LGR5: variants seen among roughly 807,000 people sequenced by gnomAD.
LGR5 encodes leucine rich repeat containing G protein-coupled receptor 5.
Under a neutral mutation model 76.7 loss-of-function variants are expected in LGR5, and 54 were observed. The observed-to-expected ratio is 0.70, with a 90% CI of 0.57 to 0.88. The LOEUF (loss-of-function observed/expected upper bound fraction) is 0.88. Ranked by LOEUF, LGR5 falls within the 40% of genes least tolerant of loss-of-function variation. The probability of loss-of-function intolerance (pLI) is 0.00; values close to 1 mark genes in which losing one functional copy is unlikely to be tolerated. For synonymous variants in LGR5, 406 were observed against 421.9 expected, an observed-to-expected ratio of 0.96 and a Z score of 0.46; for missense variants, 1,078 against 1,073.3, an observed-to-expected ratio of 1.00 and a Z score of -0.06.
Position 71,483,663 on chromosome 12 carries a change from G to A in LGR5, c.213-20951G>A, listed in dbSNP as rs550322929. 1.4e-4 allele frequency among the ~76,000 whole-genome samples: 21 copies of A among 152,234 alleles called. 1 individual carries two copies. The South Asian group carries it at 2.3e-3, about 17-fold the overall frequency. On this transcript the variant is annotated intron_variant, in intron 1 of 17. Transcript: ENST00000266674. The stretch of plus-strand genomic sequence containing the variant: ...GACTCTGACTCTGCTGCTTACTGCC[G>A]TGTCACCTTGGGAAAGCTACTTAAG...
chr12:71,553,745 T>G (rs576879394), intron 5 of LGR5, among the ~76,000 whole-genome samples: 2 of 152,224 alleles, frequency 1.3e-5, no homozygotes. Context: ...GAGTTCTTTT[T>G]GCCCACTGCC....
chr12:71,505,607 T>C (rs1418534352), intron 2 of LGR5, among the ~76,000 whole-genome samples: 1 of 152,166 alleles, frequency 6.6e-6, no homozygotes, highest in Non-Finnish European at 1.5e-5. Flanking sequence ...GAATCCACCA[T>C]GGGAGGTGGA....
intron 6 of LGR5, among the ~76,000 whole-genome samples, chr12:71,557,110 T>C (rs1877808701): frequency 1.3e-5 from 2 of 152,140 alleles, no homozygotes; most frequent in Admixed American, 1.3e-4. Context: ...TGATGGCTCA[T>C]GCTAAAGCAA....
chr12:71,548,847 C>T (rs1565744262), intron 4 of LGR5, among the ~76,000 whole-genome samples: 1 of 150,104 alleles, frequency 6.7e-6, no homozygotes, highest in Admixed American at 6.6e-5. Context: ...CACACACACA[C>T]ACCCTCTGTG....
chr12:71,444,450 A>C (rs1871897377), intron 1 of LGR5, among the ~76,000 whole-genome samples: 1 of 152,112 alleles, frequency 6.6e-6, no homozygotes, highest in South Asian at 2.1e-4. Flanking sequence ...TCATTCAAAC[A>C]ATTTTGTGGC....
intron 1 of LGR5, among the ~76,000 whole-genome samples, chr12:71,483,612 G>A (rs1873702735): frequency 6.6e-6 from 1 of 152,174 alleles, no homozygotes; most frequent in Non-Finnish European, 1.5e-5. Flanking sequence ...GGCCTCACAA[G>A]CCTTGGAGTC....
At position 71,440,398 on chromosome 12, in the gene LGR5, G is replaced by T; in HGVS notation, c.212+106G>T. On this transcript the variant is annotated intron_variant, in intron 1 of 17. Transcript: ENST00000266674. This position sits in a 1 kb window ranked among gnomAD's most constrained non-coding sequence, Gnocchi z 5.3. ...CGGCGCCCGCCTGCTCGTGGGGGAG[G>T]GGGGCGAGTTTGTCAAGGGCATCCT... The T allele has an allele frequency of 4.5e-6, 5 of 1,113,780 alleles. No homozygotes were observed. The highest frequency in any genetic ancestry group is 5.3e-6 in the Non-Finnish European group (4 of 758,472). 69.0% of individuals were successfully genotyped at this position (1,113,780 alleles called of 1,614,324 possible). A position where few individuals can be genotyped will look rare whatever the true frequency, so the allele number is the denominator to read the frequency against.
chr12:71,579,444 C>A (rs548688453), intron 15 of LGR5, among the ~76,000 whole-genome samples: 18 of 151,920 alleles, frequency 1.2e-4, no homozygotes, highest in African/African-American at 4.1e-4. Flanking sequence ...AATAAAACCC[C>A]AAAAGAGAGT....
intron 11 of LGR5, among the ~76,000 whole-genome samples, chr12:71,570,556 AGGTAT>A (rs1878561132): frequency 6.6e-6 from 1 of 152,158 alleles, no homozygotes; most frequent in Non-Finnish European, 1.5e-5. Context: ...ATTAATAATC[AGGTAT>A]ATTTGTGCAT....
rs1365387420 is a variant in LGR5 at position 71,585,344 on chromosome 12, C to A, written c.*610C>A. ...CATATTGAGATCATTTTTAGAGATA[C>A]CAGGTTTTATGTATCAGCACTAGAT... On this transcript the variant is annotated 3_prime_UTR_variant, in exon 18 of 18. Transcript: ENST00000266674. 1 of 152,430 alleles carries A rather than the reference C, an allele frequency of 6.6e-6. No individual in the cohort carries two copies. The highest frequency in any genetic ancestry group is 6.5e-5 in the Admixed American group (1 of 15,326). 9.4% of individuals were successfully genotyped at this position (152,430 alleles called of 1,614,324 possible). A position where few individuals can be genotyped will look rare whatever the true frequency, so the allele number is the denominator to read the frequency against.
chr12:71,469,080 T>C (rs868403917), intron 1 of LGR5, among the ~76,000 whole-genome samples: 2 of 152,212 alleles, frequency 1.3e-5, no homozygotes, highest in Non-Finnish European at 2.9e-5. Context: ...TTAGTTTTAA[T>C]GTGGAGATTA....
chr12:71,480,322 C>T (rs1592476011), intron 1 of LGR5, among the ~76,000 whole-genome samples: 1 of 147,838 alleles, frequency 6.8e-6, no homozygotes, highest in East Asian at 2.0e-4. Context: ...GATCATGCCA[C>T]TGCACTCCAG....
At chr12:71,570,261 G>A (rs998622301) in intron 11 of LGR5, among the ~76,000 whole-genome samples, 1 of 152,092 alleles carries the variant, frequency 6.6e-6, no homozygotes. Context: ...CATGGCACAC[G>A]TTTACCTACG....
At chr12:71,445,750 A>T (rs952019947) in intron 1 of LGR5, among the ~76,000 whole-genome samples, 2 of 151,756 alleles carry the variant, frequency 1.3e-5, no homozygotes, top group African/African-American at 4.8e-5. Context: ...GGAATAATGT[A>T]TCTAGTGGTA....
chr12:71,465,058 C>A (rs968995424), intron 1 of LGR5, among the ~76,000 whole-genome samples: 5 of 152,124 alleles, frequency 3.3e-5, no homozygotes, highest in Non-Finnish European at 5.9e-5. Flanking sequence ...TCAGACCGAC[C>A]AGTTATTGGA....
intron 1 of LGR5, among the ~76,000 whole-genome samples, chr12:71,498,483 C>A (rs1415733089): frequency 6.6e-6 from 1 of 152,184 alleles, no homozygotes; most frequent in Non-Finnish European, 1.5e-5. Context: ...CACATTGTAT[C>A]CTTAACATGG....
chr12:71,530,497 A>G (rs1188447407), intron 3 of LGR5, among the ~76,000 whole-genome samples: 3 of 152,230 alleles, frequency 2.0e-5, no homozygotes, highest in East Asian at 3.8e-4. Context: ...GTCTATTAAG[A>G]TGGAGAATGA....
rs748066601 is a variant in LGR5, at chr12:71,556,580, C to A, written c.645-39C>A. 8.9e-6 allele frequency: 11 copies of A among 1,237,606 alleles called. No individual in the cohort carries two copies. In the East Asian group the frequency reaches 2.5e-4, roughly 29 times the overall value. The allele number at this position is 1,237,606 out of a possible 1,614,324, so 76.7% of individuals were successfully genotyped here. ...ATCAAAATGTTAAGTGTGGTCTGTGCAGTGTGCCTTCCTAACTATCTGTAA... is the reference window on the plus strand; with the variant it reads ...ATCAAAATGTTAAGTGTGGTCTGTGAAGTGTGCCTTCCTAACTATCTGTAA... On this transcript the variant is annotated intron_variant, in intron 5 of 17. Coordinates refer to ENST00000266674, the MANE Select transcript of LGR5 (RefSeq NM_003667.4).
chr12:71,459,635 G>C (rs986202445), intron 1 of LGR5, among the ~76,000 whole-genome samples: 1 of 152,074 alleles, frequency 6.6e-6, no homozygotes, highest in Non-Finnish European at 1.5e-5. Flanking sequence ...GATGAATTAA[G>C]GAACAGCCTC....
Sources: allele counts gnomAD v4.1 joint callset (sites outside exome capture counted in the v4.1 genomes callset), GRCh38; gene constraint gnomAD v4.1.1; non-coding constraint Gnocchi (gnomAD v3.1); transcripts MANE v1.5; gene names NCBI Gene and HGNC (gene_info 2026-07-23, HGNC 2026-07-21).